The following NAV3 variants were observed in gnomAD, a reference collection of about 807,000 sequenced individuals.
NAV3 encodes neuron navigator 3.
A neutral mutation model predicts 244.7 loss-of-function variants in NAV3; 87 were observed. The observed-to-expected ratio is 0.36, with a 90% CI of 0.30 to 0.42. The LOEUF is 0.42. Ranked by LOEUF, NAV3 falls within the 20% of genes least tolerant of loss-of-function variation. The probability of loss-of-function intolerance (pLI) is 1.00; values close to 1 mark genes in which losing one functional copy is unlikely to be tolerated. For synonymous variants in NAV3, 1,126 were observed against 1,042.2 expected, an observed-to-expected ratio of 1.08 and a Z score of -1.55; for missense variants, 2,663 against 2,893.3, an observed-to-expected ratio of 0.92 and a Z score of 1.83.
At chr12:77,998,250 G>A (rs1034155229) in intron 6 of NAV3, 87 bp from the exon 7 acceptor site, 2 of 965,290 alleles carry the variant, frequency 2.1e-6, no homozygotes, top group South Asian at 2.6e-5. Flanking sequence ...AACATCATAT[G>A]TTGTAAATTT....
chr12:77,884,003 C>T (rs765258454), intron 1 of NAV3, among the ~76,000 whole-genome samples: 1 of 152,072 alleles, frequency 6.6e-6, no homozygotes, highest in Non-Finnish European at 1.5e-5. Context: ...CCACCAATAA[C>T]CTCTTTGTGA....
At chr12:78,116,107 T>C (rs1418873423) in intron 12 of NAV3, among the ~76,000 whole-genome samples, 1 of 152,174 alleles carries the variant, frequency 6.6e-6, no homozygotes, top group African/African-American at 2.4e-5. Context: ...CATGGCCAGA[T>C]GTGAATTTTT....
chr12:78,033,440 G>A (rs1879320723), intron 9 of NAV3, among the ~76,000 whole-genome samples: 1 of 151,820 alleles, frequency 6.6e-6, no homozygotes, highest in South Asian at 2.1e-4. Context: ...CTACTGACTG[G>A]GTGTATTTGT....
At chr12:78,142,131 T>A (rs531216984) in intron 20 of NAV3, among the ~76,000 whole-genome samples, 1 of 152,198 alleles carries the variant, frequency 6.6e-6, no homozygotes, top group Non-Finnish European at 1.5e-5. Flanking sequence ...CAGGAAGAAA[T>A]GATATTCTTC....
rs559423734 is a variant in NAV3 at position 77,986,324 on chromosome 12, T to C, written c.672-8479T>C. Among the ~76,000 whole-genome samples, 4 of 152,332 alleles carry C rather than the reference T, an allele frequency of 2.6e-5. No homozygotes were observed. In the South Asian group the frequency reaches 8.3e-4, roughly 32 times the overall value. On this transcript the variant is annotated intron_variant, in intron 5 of 39. Coordinates refer to ENST00000397909, the MANE Select transcript of NAV3 (RefSeq NM_001024383.2). ...TTGCAGTGAGCCGAGATCGTGCCAC[T>C]GCACTCCTGCCTGGGCGACAGAGCA...
intron 2 of NAV3, among the ~76,000 whole-genome samples, chr12:77,647,483 G>A (rs1411067940): frequency 2.9e-5 from 4 of 139,808 alleles, no homozygotes; most frequent in Non-Finnish European, 6.2e-5. Flanking sequence ...GTTTTTTTTT[G>A]CCCAAACTAG....
intron 1 of NAV3, among the ~76,000 whole-genome samples, chr12:77,868,474 C>G (rs1465975910): frequency 6.6e-6 from 1 of 151,966 alleles, no homozygotes; most frequent in Non-Finnish European, 1.5e-5. Flanking sequence ...CCAGTGCAAG[C>G]CAAATGTATT....
At chr12:77,872,269 A>G (rs1027597159) in intron 1 of NAV3, among the ~76,000 whole-genome samples, 2 of 152,180 alleles carry the variant, frequency 1.3e-5, no homozygotes, top group Non-Finnish European at 2.9e-5. Context: ...TTTCTTCTCT[A>G]GCATGGGAAC....
intron 8 of NAV3, among the ~76,000 whole-genome samples, chr12:78,008,322 G>A (rs917916044): frequency 2.1e-4 from 32 of 151,346 alleles, no homozygotes; most frequent in African/African-American, 7.1e-4. Flanking sequence ...GCATTATTAT[G>A]CATTTTAAAA....
intron 3 of NAV3, among the ~76,000 whole-genome samples, chr12:77,952,864 A>G (rs966775232): frequency 6.6e-6 from 1 of 152,194 alleles, no homozygotes; most frequent in Non-Finnish European, 1.5e-5. Context: ...TGGTAAAATT[A>G]TGAATTTGGC....
chr12:77,707,017 T>C (rs1875848115), intron 2 of NAV3, among the ~76,000 whole-genome samples: 1 of 151,958 alleles, frequency 6.6e-6, no homozygotes, highest in African/African-American at 2.4e-5. Flanking sequence ...AAATTCCTAC[T>C]TCCTCTTCAA....
At chr12:78,208,412 T>C (rs1594058911) in intron 39 of NAV3, among the ~76,000 whole-genome samples, 1 of 152,118 alleles carries the variant, frequency 6.6e-6, no homozygotes, top group African/African-American at 2.4e-5. Context: ...GGAAGTGATA[T>C]ATCACACGCA....
intron 20 of NAV3, among the ~76,000 whole-genome samples, chr12:78,143,071 C>T (rs1956698371): frequency 6.6e-6 from 1 of 151,998 alleles, no homozygotes; most frequent in Non-Finnish European, 1.5e-5. Flanking sequence ...CATGAAAAAG[C>T]AACTTATTAT....
rs571058683 is a variant in NAV3, at chr12:77,659,853, C to G, written c.72+87587C>G. Among the ~76,000 whole-genome samples, 249 of 151,620 alleles carry G rather than the reference C, an allele frequency of 1.6e-3. 1 individual carries two copies. The highest frequency in any genetic ancestry group is 5.7e-3 in the African/African-American group (237 of 41,304). ...GAAAGCATCATTCTCAGTAAACTAT[C>G]GCAAGGACAAAAACCAAACACAGCA... is the stretch of plus-strand genomic sequence containing the variant. On this transcript the variant is annotated intron_variant, in intron 2 of 8. Coordinates refer to the NAV3 transcript ENST00000550042.
chr12:77,581,012 G>A (rs1206757474), intron 2 of NAV3, among the ~76,000 whole-genome samples: 1 of 152,134 alleles, frequency 6.6e-6, no homozygotes, highest in African/African-American at 2.4e-5. Flanking sequence ...CCCTAACAAT[G>A]TAACTTGGGG....
At chr12:77,873,403 T>A (rs1237064041) in intron 1 of NAV3, among the ~76,000 whole-genome samples, 1 of 152,000 alleles carries the variant, frequency 6.6e-6, no homozygotes, top group Non-Finnish European at 1.5e-5. Flanking sequence ...TGACAAATCG[T>A]TACTTTATAA....
chr12:77,869,586 G>A (rs114058003), intron 1 of NAV3, among the ~76,000 whole-genome samples: 2,146 of 151,994 alleles, frequency 0.014, 62 homozygotes, highest in African/African-American at 0.048. Flanking sequence ...TCTTAACCTC[G>A]TTAACTCTTA....
chr12:77,967,580 G>A (rs1892630498), intron 4 of NAV3, among the ~76,000 whole-genome samples: 1 of 152,122 alleles, frequency 6.6e-6, no homozygotes, highest in Admixed American at 6.6e-5. Context: ...CTTAATCTCA[G>A]AGGAGGATGC....
chr12:78,081,480 T>C (rs978347760), intron 12 of NAV3, among the ~76,000 whole-genome samples: 11 of 152,306 alleles, frequency 7.2e-5, no homozygotes, highest in African/African-American at 2.6e-4. Flanking sequence ...GGAGGTGTGC[T>C]GTGCTGTGGA....
Sources: gnomAD v4.1 joint callset for allele counts (sites outside exome capture counted in the v4.1 genomes callset) on GRCh38, gnomAD v4.1.1 for gene constraint, MANE v1.5 for transcripts, NCBI Gene and HGNC (gene_info 2026-07-23, HGNC 2026-07-21) for gene names.